Variants in CHST11 observed in about 807,000 individuals in gnomAD.
CHST11 encodes carbohydrate sulfotransferase 11, also known as C4S-1.
CHST11 carries 9 observed loss-of-function variants against 30.4 expected under a neutral mutation model. That is an observed-to-expected ratio of 0.30 (90% CI 0.18 to 0.52). The LOEUF is 0.52. Among genes scored for constraint, CHST11 ranks in the 20% least tolerant of loss-of-function variants. The pLI, the probability that CHST11 is intolerant of heterozygous loss-of-function variation, is 0.97. For synonymous variants in CHST11, 152 were observed against 187.8 expected (o/e 0.81, Z 1.56); for missense variants, 348 against 460.6 (o/e 0.76, Z 2.24).
chr12:104,557,919 A>G (rs1022811788), intron 1 of CHST11, among the ~76,000 whole-genome samples: 8 of 151,382 alleles, frequency 5.3e-5, no homozygotes, highest in African/African-American at 1.9e-4. Context: ...GGAAGGAAGT[A>G]TAGAGGCAGG....
At chr12:104,474,041 G>A (rs2037535542) in intron 1 of CHST11, among the ~76,000 whole-genome samples, 1 of 152,076 alleles carries the variant, frequency 6.6e-6, no homozygotes, top group Non-Finnish European at 1.5e-5. Flanking sequence ...TTTAAAGGGG[G>A]CATGTGGACA....
At chr12:104,681,474 T>C (rs1374985826) in intron 2 of CHST11, among the ~76,000 whole-genome samples, 8 of 152,160 alleles carry the variant, frequency 5.3e-5, no homozygotes, top group African/African-American at 1.9e-4. Flanking sequence ...ATAAATATAT[T>C]CTAAAATTAG....
At chr12:104,698,325 C>A (rs1488009051) in intron 2 of CHST11, among the ~76,000 whole-genome samples, 1 of 152,188 alleles carries the variant, frequency 6.6e-6, no homozygotes, top group Non-Finnish European at 1.5e-5. Flanking sequence ...TGACAATGTT[C>A]TTGCTCCCTC....
At chr12:104,589,180 G>A (rs2038833746) in intron 1 of CHST11, among the ~76,000 whole-genome samples, 1 of 151,816 alleles carries the variant, frequency 6.6e-6, no homozygotes, top group South Asian at 2.1e-4. Context: ...TGGGTGGATT[G>A]CTTGAGTCCA....
intron 1 of CHST11, among the ~76,000 whole-genome samples, chr12:104,545,868 C>G (rs2038342595): frequency 1.3e-5 from 2 of 152,010 alleles, no homozygotes; most frequent in South Asian, 4.2e-4. Flanking sequence ...CTTTGTCACC[C>G]AGGCTAGAAT....
chr12:104,656,629 G>A (rs1015294663), intron 2 of CHST11, among the ~76,000 whole-genome samples: 3 of 152,178 alleles, frequency 2.0e-5, no homozygotes, highest in African/African-American at 7.2e-5. Flanking sequence ...GACTTACTGC[G>A]ACTGGTCTCA....
At chr12:104,614,852 G>A (rs182863427) in intron 2 of CHST11, among the ~76,000 whole-genome samples, 1 of 152,226 alleles carries the variant, frequency 6.6e-6, no homozygotes, top group Admixed American at 6.5e-5. Flanking sequence ...GGGGAGAAAG[G>A]AGAAGAGGCA....
chr12:104,475,685 TA>T lies in CHST11; in HGVS notation c.118+18157del, dbSNP rs376933256. ...ATATATATATATATATATATATATA[TA>T]TATATTTCTGATTATGAAATTAATT... On this transcript the variant is annotated intron_variant, in intron 1 of 2. Transcript: ENST00000303694. Among the ~76,000 whole-genome samples, 35 of 125,444 alleles carry T rather than the reference TA, an allele frequency of 2.8e-4. 1 individual carries two copies. The highest frequency in any genetic ancestry group is 3.8e-3 in the Middle Eastern group (1 of 260). 82.3% of individuals were successfully genotyped at this position (125,444 alleles called of 152,430 possible).
At chr12:104,570,936 C>T (rs1291174010) in intron 1 of CHST11, among the ~76,000 whole-genome samples, 2 of 152,134 alleles carry the variant, frequency 1.3e-5, no homozygotes, top group Non-Finnish European at 2.9e-5. Flanking sequence ...GGTGATCCAC[C>T]CACCTTGGCC....
chr12:104,562,168 T>C (rs2038520322), intron 1 of CHST11, among the ~76,000 whole-genome samples: 1 of 152,124 alleles, frequency 6.6e-6, no homozygotes, highest in Admixed American at 6.5e-5. Context: ...AGCAGCACTG[T>C]CATCCACCCG....
intron 2 of CHST11, among the ~76,000 whole-genome samples, chr12:104,727,317 G>A (rs2040224415): frequency 6.6e-6 from 1 of 152,232 alleles, no homozygotes; most frequent in Non-Finnish European, 1.5e-5. Context: ...CCTTGGAGGA[G>A]CAATAAATGT....
At chr12:104,696,453 A>G (rs969856613) in intron 2 of CHST11, among the ~76,000 whole-genome samples, 3 of 137,098 alleles carry the variant, frequency 2.2e-5, no homozygotes, top group Admixed American at 8.3e-5. Flanking sequence ...CCTGGCCAAC[A>G]TGGTGAAACC....
intron 1 of CHST11, among the ~76,000 whole-genome samples, chr12:104,530,190 G>A (rs1273921760): frequency 6.6e-6 from 1 of 152,008 alleles, no homozygotes; most frequent in Non-Finnish European, 1.5e-5. Flanking sequence ...AAAGAGAGGT[G>A]GGATACTGGG....
intron 2 of CHST11, among the ~76,000 whole-genome samples, chr12:104,684,696 C>T (rs1224511347): frequency 2.0e-5 from 3 of 152,064 alleles, no homozygotes; most frequent in East Asian, 3.9e-4. Flanking sequence ...TACAGGCATG[C>T]ACTACCATGC....
chr12:104,670,229 A>G (rs929852821), intron 2 of CHST11, among the ~76,000 whole-genome samples: 2 of 152,132 alleles, frequency 1.3e-5, no homozygotes, highest in African/African-American at 2.4e-5. Flanking sequence ...TGGTCTCCCA[A>G]CTTCCTCAGT....
intron 1 of CHST11, among the ~76,000 whole-genome samples, chr12:104,551,665 G>T (rs879274222): frequency 1.3e-5 from 2 of 152,150 alleles, no homozygotes; most frequent in Non-Finnish European, 2.9e-5. Context: ...TGATTTAAGG[G>T]TGGGGAGGCC....
In CHST11 at chr12:104,637,303, A is replaced by T. The variant is rs201687786; in HGVS notation, c.204+35312A>T. ...CTGGGCCATGGGAGTGAGACCCTGT[A>T]AAAAAAAAAAAAAAAAAAAAAAAAA... On this transcript the variant is annotated intron_variant, in intron 2 of 2. Transcript: ENST00000303694. Among the ~76,000 whole-genome samples the T allele has an allele frequency of 2.7e-3, 10 of 3,730 alleles. No individual in the cohort carries two copies. In the East Asian group the frequency reaches 0.037, roughly 14 times the overall value. The allele number at this position is 3,730 out of a possible 152,430, so 2.4% of individuals were successfully genotyped here.
intron 2 of CHST11, among the ~76,000 whole-genome samples, chr12:104,723,032 C>T (rs533282702): frequency 1.4e-3 from 220 of 152,038 alleles, no homozygotes; most frequent in Admixed American, 2.8e-3. Flanking sequence ...GACCCACTTA[C>T]CCCAGACAGG....
chr12:104,689,920 T>A (rs1473720798), intron 2 of CHST11, among the ~76,000 whole-genome samples: 1 of 152,164 alleles, frequency 6.6e-6, no homozygotes, highest in Non-Finnish European at 1.5e-5. Context: ...TCTGTGCATT[T>A]TTTTTTTACT....
Sources: allele counts gnomAD v4.1 joint callset (sites outside exome capture counted in the v4.1 genomes callset), GRCh38; gene constraint gnomAD v4.1.1; transcripts MANE v1.5; gene names NCBI Gene and HGNC (gene_info 2026-07-23, HGNC 2026-07-21).